Variants in KMT2C observed in about 807,000 individuals in gnomAD.
The protein encoded by KMT2C is histone-lysine N-methyltransferase 2C.
KMT2C carries 88 observed loss-of-function variants against 507.9 expected under a neutral mutation model. The ratio of observed to expected loss-of-function variants is 0.17; its 90% CI spans 0.15 to 0.21. The LOEUF (loss-of-function observed/expected upper bound fraction) is 0.21, where lower values mean the gene tolerates loss of function less well. KMT2C is among the 10% of genes least tolerant of loss of function. KMT2C has a pLI of 1.00. For synonymous variants in KMT2C, 2,049 were observed against 2,080.8 expected (o/e 0.98, Z 0.42); for missense variants, 4,954 against 5,957.8 (o/e 0.83, Z 5.55).
intron 3 of KMT2C, among the ~76,000 whole-genome samples, chr7:152,330,347 G>A (rs1387507710): frequency 6.6e-6 from 1 of 152,020 alleles, no homozygotes; most frequent in Non-Finnish European, 1.5e-5. Flanking sequence ...ACAGCACATT[G>A]GTAATATTCT....
At chr7:152,296,000 A>G (rs1309910359) in intron 6 of KMT2C, among the ~76,000 whole-genome samples, 2 of 148,038 alleles carry the variant, frequency 1.4e-5, no homozygotes, top group East Asian at 4.1e-4. Flanking sequence ...CCCAGGAGAC[A>G]GAGCTGGCAG....
chr7:152,395,066 A>C (rs2097528629), intron 1 of KMT2C, among the ~76,000 whole-genome samples: 1 of 152,214 alleles, frequency 6.6e-6, no homozygotes, highest in Non-Finnish European at 1.5e-5. Flanking sequence ...CTCAATCGTA[A>C]GGCATGCCAA....
At chr7:152,252,178 G>A in intron 10 of KMT2C, 88 bp from the exon 11 acceptor site, 1 of 937,226 alleles carries the variant, frequency 1.1e-6, no homozygotes, top group Non-Finnish European at 1.5e-6. Context: ...AGCTGGATAT[G>A]AAAACAGTTA....
chr7:152,202,561 A>G (rs1349922470), intron 26 of KMT2C, among the ~76,000 whole-genome samples: 1 of 152,216 alleles, frequency 6.6e-6, no homozygotes, highest in African/African-American at 2.4e-5. Flanking sequence ...TCTTTAATCA[A>G]TGAATATAAT....
Position 152,181,267 on chromosome 7 carries a change from C to T in KMT2C, c.6593G>A (p.Arg2198Lys), listed in dbSNP as rs2129119806. 6.2e-7 allele frequency: 1 copy of T among 1,613,928 alleles called. No individual in the cohort carries two copies. Among genetic ancestry groups the T allele is most frequent in the East Asian group, 2.2e-5 (1 of 44,850 alleles). ...DLFVTPVTNQRHSDPYAHPPG... is the reference protein window; with the variant it reads ...DLFVTPVTNQKHSDPYAHPPG... ...AGGATGAGCATATGGATCAGAATGC[C>T]TCTGATTTGTTACAGGTGTAACAAA... is the stretch of plus-strand genomic sequence containing the variant. Residue 2198 changes from arginine to lysine, a missense_variant, in exon 36 of 59, where the codon AGG (arginine) becomes AAG (lysine). This residue lies in a region of KMT2C where 1,689 missense variants were observed against 1,654.3 expected (regional missense o/e 1.02). Coordinates refer to ENST00000262189, the MANE Select transcript of KMT2C (RefSeq NM_170606.3).
intron 14 of KMT2C, among the ~76,000 whole-genome samples, chr7:152,242,210 G>C (rs1191967089): frequency 1.3e-5 from 2 of 151,954 alleles, no homozygotes; most frequent in African/African-American, 4.8e-5. Flanking sequence ...GCCCCTTTCT[G>C]TTCACTGCTA....
chr7:152,392,362 T>C (rs2097505715), intron 1 of KMT2C, among the ~76,000 whole-genome samples: 2 of 152,118 alleles, frequency 1.3e-5, no homozygotes, highest in African/African-American at 4.8e-5. Context: ...AGTTTGAAAA[T>C]AGGTAGTAAA....
chr7:152,239,915 A>T (rs1193698491), intron 14 of KMT2C, among the ~76,000 whole-genome samples: 5 of 152,344 alleles, frequency 3.3e-5, no homozygotes, highest in South Asian at 2.1e-4. Context: ...AATTAAAATA[A>T]CCAGAAATAA....
chr7:152,212,345 A>G (rs545927043), intron 23 of KMT2C, among the ~76,000 whole-genome samples: 1 of 152,374 alleles, frequency 6.6e-6, no homozygotes, highest in Non-Finnish European at 1.5e-5. Context: ...AAAGACTGAA[A>G]GCTTTTCTTC....
chr7:152,415,695 A>G (rs2097727829), intron 1 of KMT2C, among the ~76,000 whole-genome samples: 1 of 152,188 alleles, frequency 6.6e-6, no homozygotes, highest in Non-Finnish European at 1.5e-5. Context: ...CCTGGCCAAC[A>G]TAGTGAAAAC....
At chr7:152,242,986 T>C (rs527448919) in intron 14 of KMT2C, among the ~76,000 whole-genome samples, 374 of 152,330 alleles carry the variant, frequency 2.5e-3, no homozygotes, top group African/African-American at 8.7e-3. Flanking sequence ...GAAAGGAAGA[T>C]AACTGGTAAA....
At chr7:152,395,813 T>C (rs112747725) in intron 1 of KMT2C, among the ~76,000 whole-genome samples, 39 of 152,320 alleles carry the variant, frequency 2.6e-4, no homozygotes, top group African/African-American at 8.7e-4. Flanking sequence ...AATATTAATA[T>C]ATATAACTCA....
chr7:152,427,911 T>G (rs182466865), intron 1 of KMT2C, among the ~76,000 whole-genome samples: 1 of 152,126 alleles, frequency 6.6e-6, no homozygotes, highest in Non-Finnish European at 1.5e-5. Flanking sequence ...GGAATCTTCC[T>G]CCCCATTCGC....
At chr7:152,429,401 T>C (rs1481035692) in intron 1 of KMT2C, among the ~76,000 whole-genome samples, 1 of 152,176 alleles carries the variant, frequency 6.6e-6, no homozygotes, top group African/African-American at 2.4e-5. Context: ...TTCTAGAATA[T>C]TACAAAGTGC....
intron 1 of KMT2C, among the ~76,000 whole-genome samples, chr7:152,375,605 C>T (rs2097323330): frequency 6.6e-6 from 1 of 151,960 alleles, no homozygotes; most frequent in African/African-American, 2.4e-5. Flanking sequence ...AGGCTGGTCT[C>T]AAACTCCTGA....
intron 31 of KMT2C, among the ~76,000 whole-genome samples, chr7:152,189,694 T>C (rs190704498): frequency 8.8e-4 from 134 of 152,322 alleles, no homozygotes; most frequent in Admixed American, 1.5e-3. Context: ...ACTCTCTGAC[T>C]TTCACAAACG....
At chr7:152,323,878 C>T (rs1466393835) in intron 3 of KMT2C, among the ~76,000 whole-genome samples, 3 of 150,978 alleles carry the variant, frequency 2.0e-5, no homozygotes, top group Non-Finnish European at 4.4e-5. Context: ...CTGTCATCTG[C>T]AACAACTCAG....
chr7:152,356,312 C>T (rs775732681), intron 2 of KMT2C, among the ~76,000 whole-genome samples: 3 of 152,118 alleles, frequency 2.0e-5, no homozygotes, highest in Non-Finnish European at 2.9e-5. Context: ...TAGTGGCTCA[C>T]GCCTGTAATC....
chr7:152,210,236 A>C (rs1005479214), intron 23 of KMT2C, among the ~76,000 whole-genome samples: 1 of 152,314 alleles, frequency 6.6e-6, no homozygotes, highest in South Asian at 2.1e-4. Context: ...GAACATCTAA[A>C]GATACGGAAA....
Sources: gnomAD v4.1 joint callset for allele counts (sites outside exome capture counted in the v4.1 genomes callset) on GRCh38, gnomAD v4.1.1 for gene constraint, gnomAD v4.1.1 regional missense constraint, MANE v1.5 for transcripts, NCBI Gene and HGNC (gene_info 2026-07-23, HGNC 2026-07-21) for gene names.